Variants in NID1 observed in about 807,000 individuals in gnomAD.
The protein encoded by NID1 is nidogen 1.
NID1 carries 76 observed loss-of-function variants against 130.6 expected under a neutral mutation model. The ratio of observed to expected loss-of-function variants is 0.58; its 90% CI spans 0.48 to 0.70. The LOEUF is 0.70. Among genes scored for constraint, NID1 ranks in the 30% least tolerant of loss-of-function variants. NID1 has a pLI of 0.00. For synonymous variants in NID1, 665 were observed against 675.1 expected (o/e 0.98, Z 0.23); for missense variants, 1,517 against 1,664.8 (o/e 0.91, Z 1.54).
intron 4 of NID1, 47 bp from the exon 5 acceptor site, chr1:236,038,300 C>G: frequency 6.3e-7 from 1 of 1,586,636 alleles, no homozygotes; most frequent in Non-Finnish European, 8.6e-7. Context: ...TCATGCAGCT[C>G]TAGCCCGGTG....
At chr1:235,988,587 A>G (rs957286798) in intron 14 of NID1, among the ~76,000 whole-genome samples, 1 of 152,258 alleles carries the variant, frequency 6.6e-6, no homozygotes, top group African/African-American at 2.4e-5. Flanking sequence ...ACCCATGTTC[A>G]TAGCAGCATT....
chr1:236,014,006 C>A (rs1033793006), intron 10 of NID1, among the ~76,000 whole-genome samples: 1 of 152,158 alleles, frequency 6.6e-6, no homozygotes, highest in Non-Finnish European at 1.5e-5. Context: ...AGCCTTGGCC[C>A]ACCCTGTACA....
chr1:235,993,989 A>T, intron 12 of NID1, 117 bp from the exon 13 acceptor site: 1 of 817,268 alleles, frequency 1.2e-6, no homozygotes, highest in East Asian at 2.7e-5. Context: ...CCTGTGTGTC[A>T]CTGGGTTTTG....
intron 9 of NID1, among the ~76,000 whole-genome samples, chr1:236,018,609 G>C (rs1572599100): frequency 6.6e-6 from 1 of 152,174 alleles, no homozygotes; most frequent in South Asian, 2.1e-4. Context: ...AGTTACACAA[G>C]GTCCTTCCCA....
chr1:236,013,345 A>G, intron 11 of NID1, 66 bp downstream of exon 11: 1 of 1,567,158 alleles, frequency 6.4e-7, no homozygotes, highest in Non-Finnish European at 8.7e-7. Flanking sequence ...TGATTGGCAC[A>G]TGACAGGTAC....
At chr1:236,062,882 G>A (rs116512877) in intron 1 of NID1, among the ~76,000 whole-genome samples, 2 of 151,786 alleles carry the variant, frequency 1.3e-5, no homozygotes, top group South Asian at 4.2e-4. Flanking sequence ...TAGGCCAGGC[G>A]TGGTGGCCCA....
At chr1:236,027,839 C>T (rs897704587) in intron 7 of NID1, among the ~76,000 whole-genome samples, 3 of 149,412 alleles carry the variant, frequency 2.0e-5, no homozygotes, top group Non-Finnish European at 4.4e-5. Flanking sequence ...AAAACAACAA[C>T]CAGAAAACAA....
chr1:235,986,300 T>A (rs145782752), intron 14 of NID1, among the ~76,000 whole-genome samples: 1 of 152,026 alleles, frequency 6.6e-6, no homozygotes, highest in East Asian at 1.9e-4. Flanking sequence ...ATGTAGAAAG[T>A]CATGGGGAAT....
chr1:236,033,579 C>T (rs570000315), intron 5 of NID1, among the ~76,000 whole-genome samples: 5 of 152,284 alleles, frequency 3.3e-5, no homozygotes, highest in East Asian at 3.9e-4. Context: ...ACCAGCTTGG[C>T]GTGTCTGGTG....
At chr1:235,995,200 T>C (rs1347700932) in intron 12 of NID1, among the ~76,000 whole-genome samples, 1 of 152,258 alleles carries the variant, frequency 6.6e-6, no homozygotes, top group African/African-American at 2.4e-5. Context: ...AGATTTCTTT[T>C]TTGTCATCAT....
Position 236,065,068 on chromosome 1 carries a change from C to G in NID1, c.12G>C (p.Ser4=). Reference sequence around the variant, plus strand: ...TCCACGCAGCCCGGATCCGGCTGCTCGAGGCCAACATGTTCCCGAACTGCG... The same window carrying G: ...TCCACGCAGCCCGGATCCGGCTGCTGGAGGCCAACATGTTCCCGAACTGCG... The part of the protein sequence containing the change: MLA[S]SSRIRAAWTR... Residue 4 remains serine, a synonymous_variant, in exon 1 of 20, where the codon TCG becomes TCC. Transcript: ENST00000264187. The surrounding 1 kb of genome is among the most constrained non-coding windows in gnomAD (Gnocchi z 4.1). 6.4e-7 allele frequency: 1 copy of G among 1,550,486 alleles called. No homozygotes were observed. Among genetic ancestry groups the G allele is most frequent in the Non-Finnish European group, 8.7e-7 (1 of 1,146,980 alleles).
chr1:236,028,797 T>G (rs555424853), intron 7 of NID1, among the ~76,000 whole-genome samples: 27 of 152,178 alleles, frequency 1.8e-4, no homozygotes, highest in Admixed American at 6.5e-4. Flanking sequence ...ATGTGAACGT[T>G]TTTTGGGCTT....
Position 236,032,624 on chromosome 1 carries a change from C to T in NID1, c.1314G>A (p.Val438=), listed in dbSNP as rs2102831861. Residue 438 remains valine, a synonymous_variant, in exon 6 of 20, where the codon GTG becomes GTA. Transcript: ENST00000264187. The part of the protein sequence containing the change: ...EGSPQRVNGK[V]KGRIFVGSSQ... ...TGCTCCCCACAAAGATCCTTCCTTTCACCTTGCCATTGACTCGCTGGGGGG... is the reference window on the plus strand; with the variant it reads ...TGCTCCCCACAAAGATCCTTCCTTTTACCTTGCCATTGACTCGCTGGGGGG... The T allele has an allele frequency of 6.2e-7, 1 of 1,614,174 alleles. No individual in the cohort carries two copies. Among genetic ancestry groups the T allele is most frequent in the East Asian group, 2.2e-5 (1 of 44,890 alleles).
chr1:236,045,931 C>A (rs549604623), intron 2 of NID1, among the ~76,000 whole-genome samples: 1 of 152,148 alleles, frequency 6.6e-6, no homozygotes, highest in Non-Finnish European at 1.5e-5. Flanking sequence ...ATAACTGTGG[C>A]CCTAAGGTTA....
rs61477102 is a variant in NID1 at position 236,050,040 on chromosome 1, G to GAAA, written c.226-1054_226-1052dup. Among the ~76,000 whole-genome samples, 7 of 130,648 alleles carry GAAA rather than the reference G, an allele frequency of 5.4e-5. No individual in the cohort carries two copies. The Admixed American group carries it at 5.4e-4, about 10-fold the overall frequency. 85.7% of individuals were successfully genotyped at this position (130,648 alleles called of 152,430 possible). On this transcript the variant is annotated intron_variant, in intron 1 of 19. Coordinates refer to ENST00000264187, the MANE Select transcript of NID1 (RefSeq NM_002508.3). ...AACAGAGCAAGACTTCATCTCAGGG[G>GAAA]AAAAAAAAAAAAAAAAGACTAAGTA...
At chr1:236,000,103 A>G (rs1316311583) in intron 12 of NID1, among the ~76,000 whole-genome samples, 1 of 151,946 alleles carries the variant, frequency 6.6e-6, no homozygotes, top group East Asian at 1.9e-4. Context: ...AATCCTAGCT[A>G]TTTGGGAGGC....
chr1:236,030,562 C>A (rs1007998194), intron 6 of NID1, among the ~76,000 whole-genome samples: 7 of 152,156 alleles, frequency 4.6e-5, no homozygotes, highest in Non-Finnish European at 4.4e-5. Flanking sequence ...GGAACACAGC[C>A]ATGCTCATTC....
chr1:236,008,710 A>G (rs1357832233), intron 12 of NID1, among the ~76,000 whole-genome samples: 1 of 148,504 alleles, frequency 6.7e-6, no homozygotes, highest in Non-Finnish European at 1.5e-5. Flanking sequence ...CTTGTTGCCC[A>G]GGCTGGAATG....
intron 12 of NID1, 101 bp downstream of exon 12, chr1:236,011,818 ACG>A: frequency 6.9e-7 from 1 of 1,446,742 alleles, no homozygotes. Context: ...GGACAGGGCA[ACG>A]GGCCATGTGC....
Sources: gnomAD v4.1 joint callset for allele counts (sites outside exome capture counted in the v4.1 genomes callset) on GRCh38, gnomAD v4.1.1 for gene constraint, Gnocchi (gnomAD v3.1) non-coding constraint, MANE v1.5 for transcripts, NCBI Gene and HGNC (gene_info 2026-07-23, HGNC 2026-07-21) for gene names.